The following SH3KBP1 variants were observed in gnomAD, a reference collection of about 807,000 sequenced individuals.
SH3KBP1 encodes SH3 domain containing kinase binding protein 1, also known as SH3 domain-containing kinase-binding protein 1.
A neutral mutation model predicts 50.1 loss-of-function variants in SH3KBP1; 8 were observed. The observed-to-expected ratio is 0.16, with a 90% CI of 0.09 to 0.29. The LOEUF is 0.29. Among genes scored for constraint, SH3KBP1 ranks in the 10% least tolerant of loss-of-function variants. The pLI, the probability that SH3KBP1 is intolerant of heterozygous loss-of-function variation, is 1.00. For synonymous variants in SH3KBP1, 227 were observed against 218.6 expected, an observed-to-expected ratio of 1.04 and a Z score of -0.34; for missense variants, 377 against 535.2, an observed-to-expected ratio of 0.70 and a Z score of 2.92.
At chrX:19,854,306 G>A (rs923457160) in intron 1 of SH3KBP1, among the ~76,000 whole-genome samples, 2 of 110,312 alleles carry the variant, frequency 1.8e-5, no homozygotes, top group African/African-American at 6.6e-5. Context: ...TAGTAGAGAC[G>A]GAGTTTCACC....
At chrX:19,718,552 C>T (rs1365460927) in intron 3 of SH3KBP1, among the ~76,000 whole-genome samples, 1 of 112,341 alleles carries the variant, frequency 8.9e-6, no homozygotes, top group Non-Finnish European at 1.9e-5. Flanking sequence ...ACGTAATATA[C>T]TGTAATCACT....
chrX:19,823,707 G>A (rs1321149589), intron 2 of SH3KBP1, among the ~76,000 whole-genome samples: 1 of 112,723 alleles, frequency 8.9e-6, no homozygotes, highest in Non-Finnish European at 1.9e-5. Flanking sequence ...GGACTTAAGA[G>A]TAGAATCTTG....
chrX:19,671,759 GAA>G (rs2062802307), intron 6 of SH3KBP1, among the ~76,000 whole-genome samples: 1 of 111,485 alleles, frequency 9.0e-6, no homozygotes, highest in Admixed American at 9.6e-5. Flanking sequence ...GGGCTGTCTG[GAA>G]AATTAAATAA....
chrX:19,550,659 G>C (rs1361638373), intron 13 of SH3KBP1, among the ~76,000 whole-genome samples: 1 of 111,155 alleles, frequency 9.0e-6, no homozygotes, highest in East Asian at 2.8e-4. Flanking sequence ...CCAGAGAGAG[G>C]CAAGTGAGAA....
chrX:19,725,675 T>C (rs2064200954), intron 3 of SH3KBP1, among the ~76,000 whole-genome samples: 2 of 110,132 alleles, frequency 1.8e-5, no homozygotes, highest in African/African-American at 6.6e-5. Context: ...TAGGTCAGGG[T>C]GGTACAGTGA....
chrX:19,850,330 C>T (rs1172356486), intron 1 of SH3KBP1, among the ~76,000 whole-genome samples: 2 of 110,972 alleles, frequency 1.8e-5, no homozygotes, highest in Non-Finnish European at 3.8e-5. Context: ...ATTACAGGCA[C>T]GCGCCACCAT....
chrX:19,759,780 CTG>C (rs1207876819), intron 2 of SH3KBP1, among the ~76,000 whole-genome samples: 2 of 111,409 alleles, frequency 1.8e-5, no homozygotes, highest in Non-Finnish European at 3.8e-5. Flanking sequence ...GGTCACCTGA[CTG>C]TGGTTAACAA....
At position 19,554,032 on chromosome X, in the gene SH3KBP1, A is replaced by T. The variant is rs1360348438; in HGVS notation, c.1385-3949T>A. On this transcript the variant is annotated intron_variant, in intron 13 of 17. Coordinates refer to ENST00000397821, the MANE Select transcript of SH3KBP1 (RefSeq NM_031892.3). ...AATATATAATATATATTAAAATATAATATATAATATATATTAAAATATATT... is the reference window on the plus strand; with the variant it reads ...AATATATAATATATATTAAAATATATTATATAATATATATTAAAATATATT... Among the ~76,000 whole-genome samples, 6 of 64,065 alleles carry T rather than the reference A, an allele frequency of 9.4e-5. No homozygotes were observed. The East Asian group carries it at 2.4e-3, about 26-fold the overall frequency. 55.6% of individuals were successfully genotyped at this position (64,065 alleles called of 115,157 possible).
chrX:19,728,280 C>T (rs1376681015), intron 3 of SH3KBP1, among the ~76,000 whole-genome samples: 5 of 111,273 alleles, frequency 4.5e-5, no homozygotes, highest in East Asian at 5.6e-4. Context: ...TTAAACGTCA[C>T]GTCAGCACAT....
intron 1 of SH3KBP1, among the ~76,000 whole-genome samples, chrX:19,855,306 C>T (rs1488802544): frequency 1.8e-5 from 2 of 111,901 alleles, no homozygotes; most frequent in African/African-American, 6.5e-5. Flanking sequence ...CTTAAAGAGT[C>T]AGATAGTAAG....
intron 2 of SH3KBP1, among the ~76,000 whole-genome samples, chrX:19,805,308 C>A (rs768672695): frequency 3.6e-5 from 4 of 111,235 alleles, no homozygotes; most frequent in Non-Finnish European, 5.7e-5. Context: ...AGCAGCAGAA[C>A]CTGCAAAATC....
intron 3 of SH3KBP1, among the ~76,000 whole-genome samples, chrX:19,719,403 G>C (rs1429371444): frequency 9.0e-6 from 1 of 111,328 alleles, no homozygotes; most frequent in African/African-American, 3.3e-5. Flanking sequence ...TTAAATTTGG[G>C]CAATTAACAT....
intron 2 of SH3KBP1, among the ~76,000 whole-genome samples, chrX:19,749,264 T>C (rs1436708883): frequency 8.9e-6 from 1 of 112,544 alleles, no homozygotes; most frequent in Non-Finnish European, 1.9e-5. Context: ...AATTACCATC[T>C]GATCCAGCAA....
At chrX:19,774,482 T>C (rs1044489348) in intron 2 of SH3KBP1, among the ~76,000 whole-genome samples, 3 of 109,052 alleles carry the variant, frequency 2.8e-5, no homozygotes, top group Admixed American at 9.9e-5. Flanking sequence ...CCATCCTGGC[T>C]AACACGGTGA....
At chrX:19,536,949 G>A (rs2064727187) in intron 17 of SH3KBP1, among the ~76,000 whole-genome samples, 1 of 112,070 alleles carries the variant, frequency 8.9e-6, no homozygotes, top group African/African-American at 3.2e-5. Context: ...GAACTCCCAC[G>A]CATTCTCTGC....
At chrX:19,734,529 T>C (rs185821685) in intron 3 of SH3KBP1, among the ~76,000 whole-genome samples, 1 of 112,069 alleles carries the variant, frequency 8.9e-6, no homozygotes, top group African/African-American at 3.2e-5. Flanking sequence ...AATAGCTTTA[T>C]TGAGATATAA....
chrX:19,884,959 AT>A (rs1262681544), intron 1 of SH3KBP1, among the ~76,000 whole-genome samples: 4 of 111,480 alleles, frequency 3.6e-5, no homozygotes, highest in Non-Finnish European at 7.5e-5. Context: ...CAGTTTTACT[AT>A]GTTATCCATC....
At chrX:19,804,635 T>C (rs1278460188) in intron 2 of SH3KBP1, among the ~76,000 whole-genome samples, 1 of 109,304 alleles carries the variant, frequency 9.1e-6, no homozygotes, top group Non-Finnish European at 1.9e-5. Context: ...ATGATTTCTA[T>C]AGCTTTTTTT....
chrX:19,537,292 A>G (rs1331109666), intron 17 of SH3KBP1, among the ~76,000 whole-genome samples: 2 of 110,353 alleles, frequency 1.8e-5, no homozygotes, highest in African/African-American at 6.6e-5. Context: ...CCCCGTCTCT[A>G]CTAAAAATAC....
Sources: gnomAD v4.1 joint callset for allele counts (sites outside exome capture counted in the v4.1 genomes callset) on GRCh38, gnomAD v4.1.1 for gene constraint, MANE v1.5 for transcripts, NCBI Gene and HGNC (gene_info 2026-07-23, HGNC 2026-07-21) for gene names.